Variants in NOC3L observed in about 807,000 individuals in gnomAD.
The protein encoded by NOC3L is NOC3 like DNA replication regulator.
A neutral mutation model predicts 102.5 loss-of-function variants in NOC3L; 85 were observed. That is an observed-to-expected ratio of 0.83 (90% CI 0.70 to 0.99). The LOEUF (loss-of-function observed/expected upper bound fraction) is 0.99, where lower values mean the gene tolerates loss of function less well. Ranked by LOEUF, NOC3L falls within the 50% of genes least tolerant of loss-of-function variation. The pLI is 0.00. For missense variants in NOC3L, 878 were observed against 914.9 expected (o/e 0.96, Z 0.52); for synonymous variants, 303 against 309.4 (o/e 0.98, Z 0.22).
chr10:94,344,359 T>G (rs1166104980), intron 13 of NOC3L, 56 bp downstream of exon 13: 1 of 1,165,072 alleles, frequency 8.6e-7, no homozygotes, highest in African/African-American at 1.5e-5. Context: ...TCGAAAATTC[T>G]TTGGTCTTTC....
chr10:94,345,004 G>A (rs1397012476), intron 11 of NOC3L, 71 bp from the exon 12 acceptor site: 14 of 1,040,472 alleles, frequency 1.3e-5, no homozygotes, highest in East Asian at 9.6e-5. Context: ...GGCAGAATAC[G>A]TAAATGTCAT....
At chr10:94,353,103 A>G (rs1408235184) in intron 6 of NOC3L, 46 bp from the exon 7 acceptor site, 1 of 1,498,442 alleles carries the variant, frequency 6.7e-7, no homozygotes, top group Non-Finnish European at 9.1e-7. Context: ...ATGACGAAAC[A>G]ATTATGAACA....
Position 94,340,467 on chromosome 10 carries a change from A to G in NOC3L, c.1674T>C (p.Cys558=). 7.2e-7 allele frequency: 1 copy of G among 1,385,238 alleles called. No individual in the cohort carries two copies. The highest frequency in any genetic ancestry group is 9.7e-7 in the Non-Finnish European group (1 of 1,036,144). 85.8% of individuals were successfully genotyped at this position (1,385,238 alleles called of 1,614,324 possible). ...GDLSYQESLH[C]VQTAFHILSG... is the part of the protein sequence containing the mutation. ...AAAGAATATGAAAAGCAGTCTGGAC[A>G]CAGTGAAGACTTTCTTGATAGCTTA... The change falls in exon 15 of 21, where the codon TGT becomes TGC. Residue 558 remains cysteine, a synonymous_variant. Transcript: ENST00000371361.
chr10:94,350,643 G>A (rs1399553658), intron 8 of NOC3L, among the ~76,000 whole-genome samples: 1 of 151,348 alleles, frequency 6.6e-6, no homozygotes, highest in East Asian at 1.9e-4. Context: ...ACTTGAACCT[G>A]GGAGGCAGAG....
At chr10:94,350,983 A>G (rs1189015486) in intron 8 of NOC3L, among the ~76,000 whole-genome samples, 1 of 152,026 alleles carries the variant, frequency 6.6e-6, no homozygotes, top group African/African-American at 2.4e-5. Context: ...TGATAATCTG[A>G]ATATATATAA....
At chr10:94,332,495 ATGTGTGTGCCTGTGTG>A (rs962234860), downstream of NOC3L, 1 of 130,346 alleles carries the variant, frequency 7.7e-6, no homozygotes, top group Non-Finnish European at 1.6e-5. Context: ...GCCTCAGGAT[ATGTGTGTGCCTGTGTG>A]TGTGTGTGTG....
At chr10:94,320,232 A>G in the NOC3L span, among the ~76,000 whole-genome samples, 1 of 152,142 alleles carries the variant, frequency 6.6e-6, no homozygotes, top group South Asian at 2.1e-4. Flanking sequence ...ATTTTATGTA[A>G]AAAGAGACAA....
chr10:94,360,848 GA>G (rs1249245068), intron 2 of NOC3L, among the ~76,000 whole-genome samples: 22 of 142,566 alleles, frequency 1.5e-4, no homozygotes, highest in East Asian at 4.0e-4. Flanking sequence ...CACAAAATTA[GA>G]AAAAAAAAAA....
chr10:94,357,810 A>C, intron 3 of NOC3L: 1 of 399,498 alleles, frequency 2.5e-6, no homozygotes, highest in South Asian at 3.4e-5. Flanking sequence ...GTAGGAACTC[A>C]GAACTGTTCT....
chr10:94,321,765 A>G, the NOC3L span: 1 of 665,038 alleles, frequency 1.5e-6, no homozygotes, highest in Non-Finnish European at 2.6e-6. Flanking sequence ...TTTATGAAAT[A>G]ATAACATAGT....
chr10:94,352,820 TCA>T, intron 7 of NOC3L, 74 bp downstream of exon 7: 1 of 1,283,094 alleles, frequency 7.8e-7, no homozygotes. Flanking sequence ...AAACTCTGCC[TCA>T]AAAAAAAAAA....
chr10:94,349,721 G>GAA lies in NOC3L; in HGVS notation c.1129-345_1129-344dup, dbSNP rs11383344. On this transcript the variant is annotated intron_variant, in intron 9 of 20. Coordinates refer to ENST00000371361, the MANE Select transcript of NOC3L (RefSeq NM_022451.11). ...TAACTTCAGAAGAATTTTGTAGGGG[G>GAA]AAAAAAATCACATGGTGTATAATTT... Among the ~76,000 whole-genome samples, 91 of 152,020 alleles carry GAA rather than the reference G, an allele frequency of 6.0e-4. No homozygotes were observed. In the East Asian group the frequency reaches 0.012, roughly 19 times the overall value.
At chr10:94,346,645 T>C (rs950080946) in intron 10 of NOC3L, 89 bp from the exon 11 acceptor site, 1 of 703,946 alleles carries the variant, frequency 1.4e-6, no homozygotes, top group East Asian at 3.9e-5. Context: ...ACAGTGTTAT[T>C]TCCCTCGTTC....
At chr10:94,318,990 G>A in the NOC3L span, among the ~76,000 whole-genome samples, 1 of 152,216 alleles carries the variant, frequency 6.6e-6, no homozygotes, top group Non-Finnish European at 1.5e-5. Flanking sequence ...AGAGGTTGCA[G>A]TGAGCCAAGA....
At chr10:94,321,868 T>C in the NOC3L span, 4 of 1,531,172 alleles carry the variant, frequency 2.6e-6, no homozygotes, top group Non-Finnish European at 3.6e-6. Flanking sequence ...CATAAACCTA[T>C]TATTTACTCA....
chr10:94,342,901 A>G (rs1337046235), intron 13 of NOC3L, among the ~76,000 whole-genome samples: 1 of 152,098 alleles, frequency 6.6e-6, no homozygotes, highest in East Asian at 1.9e-4. Flanking sequence ...CCTGGCCAAC[A>G]TGAGGAAACC....
At chr10:94,322,784 T>TA in the NOC3L span, among the ~76,000 whole-genome samples, 4,030 of 139,918 alleles carry the variant, frequency 0.029, 68 homozygotes, top group African/African-American at 0.045. Flanking sequence ...AAACTTCGTC[T>TA]AAAAAAAAAA....
intron 4 of NOC3L, 138 bp from the exon 5 acceptor site, chr10:94,356,729 T>C (rs1365366556): frequency 1.6e-6 from 1 of 626,278 alleles, no homozygotes; most frequent in Non-Finnish European, 2.8e-6. Flanking sequence ...GTGATTGAGG[T>C]GAGCACAAGG....
Position 94,361,764 on chromosome 10 carries a change from TGA to T in NOC3L, c.116_117del (p.Leu39GlnfsTer20). On this transcript the variant is annotated frameshift_variant, in exon 2 of 21. Transcript: ENST00000371361. LOFTEE classifies it high-confidence loss of function. ...KNKQFKQQST[L>X]KKYRKEQRKL... ...TTCCTCTGTTCTTTTCGGTACTTCT[TGA>T]GAGTGCTTTGTTGTTTAAACTGCTT... 6.2e-7 allele frequency: 1 copy of T among 1,614,112 alleles called. No homozygotes were observed. Among genetic ancestry groups the T allele is most frequent in the South Asian group, 1.1e-5 (1 of 91,080 alleles).
Sources: gnomAD v4.1 joint callset for allele counts (sites outside exome capture counted in the v4.1 genomes callset) on GRCh38, gnomAD v4.1.1 for gene constraint, MANE v1.5 for transcripts, NCBI Gene and HGNC (gene_info 2026-07-23, HGNC 2026-07-21) for gene names.